POLE: variants seen among roughly 807,000 people sequenced by gnomAD.
The protein encoded by POLE is DNA polymerase epsilon, catalytic subunit, also known as DNA polymerase epsilon catalytic subunit A.
A neutral mutation model predicts 279.2 loss-of-function variants in POLE; 188 were observed. That is an observed-to-expected ratio of 0.67 (90% confidence interval 0.60 to 0.76). The LOEUF (loss-of-function observed/expected upper bound fraction) is 0.76, where lower values mean the gene tolerates loss of function less well. POLE is among the 30% of genes least tolerant of loss of function. The probability of loss-of-function intolerance (pLI) is 0.00; values close to 1 mark genes in which losing one functional copy is unlikely to be tolerated. For synonymous variants in POLE, 1,214 were observed against 1,172.5 expected (o/e 1.04, Z -0.72); for missense variants, 2,703 against 3,016.7 (o/e 0.90, Z 2.44).
intron 1 of POLE, among the ~76,000 whole-genome samples, chr12:132,682,953 A>C (rs1027027072): frequency 4.7e-5 from 7 of 148,550 alleles, no homozygotes; most frequent in African/African-American, 1.8e-4. Context: ...ACTCCGTCTA[A>C]AAAAAAAATA....
intron 27 of POLE, 102 bp downstream of exon 27, chr12:132,657,766 G>A: frequency 2.3e-6 from 2 of 852,550 alleles, no homozygotes; most frequent in South Asian, 1.5e-5. Flanking sequence ...GAAGTCAAGA[G>A]TGAAGACGCC....
chr12:132,676,415 G>T, intron 9 of POLE, 131 bp downstream of exon 9: 1 of 739,652 alleles, frequency 1.4e-6, no homozygotes, highest in South Asian at 1.6e-5. Context: ...GAACGGCTTG[G>T]TTGCTCCCAT....
At position 132,687,263 on chromosome 12, in the gene POLE, T is replaced by G; in HGVS notation, c.53A>C (p.Glu18Ala). The change falls in exon 1 of 49, where the codon GAG becomes GCG. Residue 18 changes from glutamate (E) to alanine (A), a missense_variant. Glu to Ala is a moderately radical substitution (Grantham distance 107). Around this residue, in one of 5 missense-constraint regions of POLE, gnomAD observed 1,011 missense variants for 1,111.7 expected, o/e 0.91. Transcript: ENST00000320574. ...GGAGGGCGCCCCTCACCTGCTGGCC[T>G]CGCCATCCGCGCCTGGGTCCGCGCG... The part of the protein sequence containing the change: ...RRRADPGADG[E>A]ASRDDGATSS... 6.7e-7 allele frequency: 1 copy of G among 1,497,528 alleles called. No individual in the cohort carries two copies. Among genetic ancestry groups the G allele is most frequent in the Non-Finnish European group, 8.9e-7 (1 of 1,126,136 alleles). The allele number at this position is 1,497,528 out of a possible 1,614,324, so 92.8% of individuals were successfully genotyped here.
At chr12:132,681,091 A>C (rs1435914534) in intron 2 of POLE, 47 bp downstream of exon 2, 1 of 1,608,286 alleles carries the variant, frequency 6.2e-7, no homozygotes, top group Admixed American at 1.7e-5. Flanking sequence ...CTATGACCAG[A>C]AGGGTTGCAG....
chr12:132,661,097 C>A lies in POLE; in HGVS notation c.2932G>T (p.Glu978Ter), dbSNP rs1555225958. Residue 978 changes from glutamate to a stop codon, truncating the protein, a stop_gained, in exon 25 of 49, where the codon GAA becomes TAA. Coordinates refer to ENST00000320574, the MANE Select transcript of POLE (RefSeq NM_006231.4). LOFTEE classifies it high-confidence loss of function. This position sits in a 1 kb window ranked among gnomAD's most constrained non-coding sequence, Gnocchi z 4.1. ...TGGAAGATCTTAATCAGCTGCAGTTCCCCGCGGCGTTTGACCTCAAAGCCC... is the reference window on the plus strand; with the variant it reads ...TGGAAGATCTTAATCAGCTGCAGTTACCCGCGGCGTTTGACCTCAAAGCCC... ...LKGFEVKRRG[E>*]LQLIKIFQSS... 4.3e-6 allele frequency: 7 copies of A among 1,614,018 alleles called. No individual in the cohort carries two copies. The highest frequency in any genetic ancestry group is 5.1e-6 in the Non-Finnish European group (6 of 1,179,978).
In POLE at chr12:132,649,820, C is replaced by T. The variant is rs756246229; in HGVS notation, c.3652G>A (p.Val1218Ile). 4 of 1,614,122 alleles carry T rather than the reference C, an allele frequency of 2.5e-6. No homozygotes were observed. The highest frequency in any genetic ancestry group is 1.1e-5 in the South Asian group (1 of 91,078). Residue 1218 changes from valine (V) to isoleucine (I), a missense_variant, in exon 30 of 49, where the codon GTA (valine) becomes ATA (isoleucine). Physicochemically the swap from Val to Ile is conservative, Grantham distance 29. Transcript: ENST00000320574. ...SAPDMEDFGL[V>I]KLPHPAAPVT... The stretch of plus-strand genomic sequence containing the variant: ...GGGGCTGCTGGGTGAGGCAGCTTTA[C>T]GAGGCCGAAGTCCTCCATGTCAGGA...
chr12:132,676,485 G>C, intron 9 of POLE, 61 bp downstream of exon 9: 1 of 1,036,356 alleles, frequency 9.6e-7, no homozygotes, highest in Non-Finnish European at 1.5e-6. Flanking sequence ...TGCTGCTGTA[G>C]TATGGGGACC....
chr12:132,632,227 A>C, intron 45 of POLE, 88 bp downstream of exon 45: 2 of 1,047,092 alleles, frequency 1.9e-6, no homozygotes, highest in South Asian at 1.4e-5. Context: ...TGGTGCACGC[A>C]TTACAGCCTC....
intron 16 of POLE, among the ~76,000 whole-genome samples, chr12:132,669,682 C>T (rs2042880258): frequency 6.6e-6 from 1 of 152,134 alleles, no homozygotes; most frequent in African/African-American, 2.4e-5. Context: ...TGCCCAGTAA[C>T]GGCGTGTTCT....
chr12:132,687,179 G>A (rs917058164), intron 1 of POLE, 75 bp downstream of exon 1: 25 of 959,978 alleles, frequency 2.6e-5, no homozygotes, highest in Middle Eastern at 3.8e-4. Flanking sequence ...TCCCGCCTCG[G>A]CGGCGCCAGC....
At chr12:132,667,140 G>GT (rs1465393636) in intron 20 of POLE, among the ~76,000 whole-genome samples, 2 of 152,168 alleles carry the variant, frequency 1.3e-5, no homozygotes, top group Non-Finnish European at 2.9e-5. Flanking sequence ...AGGCCTTAGA[G>GT]TTTCTAGGAA....
intron 32 of POLE, 76 bp from the exon 33 acceptor site, chr12:132,644,053 T>A (rs1393148890): frequency 6.9e-7 from 1 of 1,456,782 alleles, no homozygotes; most frequent in Non-Finnish European, 9.1e-7. Flanking sequence ...AAGCACACGC[T>A]ATTCGGAGTC....
At chr12:132,685,468 GCA>G (rs2043238559) in intron 1 of POLE, among the ~76,000 whole-genome samples, 2 of 152,250 alleles carry the variant, frequency 1.3e-5, no homozygotes, top group African/African-American at 4.8e-5. Context: ...CAGGCAAACA[GCA>G]CCCACTGCCT....
Position 132,668,885 on chromosome 12 carries a change from T to C in POLE, c.1849A>G (p.Ile617Val), listed in dbSNP as rs1336668078. Residue 617 changes from isoleucine (I) to valine (V), a missense_variant, in exon 17 of 49, where the codon ATC (isoleucine) becomes GTC (valine). By Grantham distance (29) the Ile-to-Val change is conservative. Coordinates refer to ENST00000320574, the MANE Select transcript of POLE (RefSeq NM_006231.4). This position sits in a 1 kb window ranked among gnomAD's most constrained non-coding sequence, Gnocchi z 4.0. Reference sequence around the variant, plus strand: ...AGGTGGTAGATGAGTGGACACTCGATGCGGCTGGGAACGTCCTTCAGGGAG... The same window carrying C: ...AGGTGGTAGATGAGTGGACACTCGACGCGGCTGGGAACGTCCTTCAGGGAG... ...LASLKDVPSR[I>V]ECPLIYHLDV... is the part of the protein sequence containing the mutation. The C allele has an allele frequency of 1.2e-6, 2 of 1,614,138 alleles. No homozygotes were observed. The highest frequency in any genetic ancestry group is 1.7e-6 in the Non-Finnish European group (2 of 1,180,002).
intron 29 of POLE, among the ~76,000 whole-genome samples, chr12:132,654,801 G>T (rs553124382): frequency 1.3e-4 from 20 of 152,266 alleles, no homozygotes; most frequent in African/African-American, 4.8e-4. Flanking sequence ...CAAAAGAAAA[G>T]AAAAAGATGT....
At chr12:132,637,839 T>TA (rs1212393315) in intron 41 of POLE, among the ~76,000 whole-genome samples, 175 bp downstream of exon 41, 1 of 152,232 alleles carries the variant, frequency 6.6e-6, no homozygotes, top group African/African-American at 2.4e-5. Context: ...TCCGATCTGC[T>TA]ACCGCGCACA....
chr12:132,669,036 G>A, intron 16 of POLE, 97 bp from the exon 17 acceptor site: 2 of 1,212,454 alleles, frequency 1.6e-6, no homozygotes, highest in Admixed American at 2.8e-5. Flanking sequence ...GGAAAAAGCT[G>A]AAAAATATAT....
chr12:132,669,666 C>T (rs1174933487), intron 16 of POLE, among the ~76,000 whole-genome samples: 1 of 152,154 alleles, frequency 6.6e-6, no homozygotes, highest in Non-Finnish European at 1.5e-5. Context: ...CCACTGCACC[C>T]TTCTCTGCCC....
chr12:132,642,212 G>C lies in POLE; in HGVS notation c.5138C>G (p.Thr1713Ser). Residue 1713 changes from threonine (T) to serine (S), a missense_variant, in exon 38 of 49, where the codon ACT (threonine) becomes AGT (serine). By Grantham distance (58) the Thr-to-Ser change is moderately conservative (BLOSUM62 1). Coordinates refer to ENST00000320574, the MANE Select transcript of POLE (RefSeq NM_006231.4). Reference protein sequence around the residue: ...CLVMEFDDQATVEINSSGCYS... With the variant: ...CLVMEFDDQASVEINSSGCYS... Reference sequence around the variant, plus strand: ...ACAGCCTGAACTGTTGATCTCAACAGTGGCTTGGTCATCGAACTCCATGAC... The same window carrying C: ...ACAGCCTGAACTGTTGATCTCAACACTGGCTTGGTCATCGAACTCCATGAC... 6.2e-7 allele frequency: 1 copy of C among 1,605,676 alleles called. No individual in the cohort carries two copies. Among genetic ancestry groups the C allele is most frequent in the Non-Finnish European group, 8.5e-7 (1 of 1,175,876 alleles).
Sources: allele counts gnomAD v4.1 joint callset (sites outside exome capture counted in the v4.1 genomes callset), GRCh38; gene constraint gnomAD v4.1.1; regional missense constraint gnomAD v4.1.1; non-coding constraint Gnocchi (gnomAD v3.1); transcripts MANE v1.5; gene names NCBI Gene and HGNC (gene_info 2026-07-23, HGNC 2026-07-21).